Variants in PTK2 observed in about 807,000 individuals in gnomAD.
The protein encoded by PTK2 is focal adhesion kinase 1.
PTK2 carries 45 observed loss-of-function variants against 150.1 expected under a neutral mutation model. The ratio of observed to expected loss-of-function variants is 0.30; its 90% CI spans 0.24 to 0.38. PTK2 has a LOEUF of 0.38. Ranked by LOEUF, PTK2 falls within the 10% of genes least tolerant of loss-of-function variation. The probability of loss-of-function intolerance (pLI) is 1.00; values close to 1 mark genes in which losing one functional copy is unlikely to be tolerated. For missense variants in PTK2, 919 were observed against 1,307.3 expected (o/e 0.70, Z 4.58); for synonymous variants, 432 against 449.2 (o/e 0.96, Z 0.48).
chr8:140,894,172 C>G (rs2100155175), intron 2 of PTK2, among the ~76,000 whole-genome samples: 1 of 152,098 alleles, frequency 6.6e-6, no homozygotes, highest in Non-Finnish European at 1.5e-5. Flanking sequence ...GATTAGTGCC[C>G]TTGTGAAAGT....
intron 14 of PTK2, 116 bp downstream of exon 15, chr8:140,770,600 C>T: frequency 2.9e-6 from 1 of 340,848 alleles, no homozygotes; most frequent in Non-Finnish European, 4.5e-6. Flanking sequence ...AGCACATACA[C>T]TAATATTCAA....
At chr8:140,928,277 T>C (rs1163431722) in intron 1 of PTK2, among the ~76,000 whole-genome samples, 2 of 152,120 alleles carry the variant, frequency 1.3e-5, no homozygotes, top group Non-Finnish European at 2.9e-5. Context: ...CCCATTATAA[T>C]AGCTGCTACT....
intron 3 of PTK2, 53 bp from the exon 4 acceptor site, chr8:140,879,690 A>T: frequency 1.6e-6 from 2 of 1,270,710 alleles, no homozygotes; most frequent in Admixed American, 3.0e-5. Context: ...AAAAAAAAAA[A>T]AAAAAAAAAA....
intron 3 of PTK2, among the ~76,000 whole-genome samples, chr8:140,887,940 T>C (rs368130179): frequency 5.9e-5 from 9 of 152,216 alleles, no homozygotes; most frequent in East Asian, 1.9e-4. Context: ...GTAGCTATAA[T>C]GAGTTTAAGA....
At chr8:140,667,771 A>T (rs956468693) in intron 30 of PTK2, among the ~76,000 whole-genome samples, 1 of 152,238 alleles carries the variant, frequency 6.6e-6, no homozygotes, top group African/African-American at 2.4e-5. Flanking sequence ...TAAGAAAAAC[A>T]ACACAGATAA....
At chr8:140,687,770 G>A (rs2100020825) in intron 26 of PTK2, among the ~76,000 whole-genome samples, 1 of 152,220 alleles carries the variant, frequency 6.6e-6, no homozygotes, top group Admixed American at 6.5e-5. Flanking sequence ...GTGCCAGGGT[G>A]TAGTAGGAAG....
At chr8:140,717,767 G>T in intron 22 of PTK2, 58 bp from the exon 26 acceptor site, 1 of 1,366,954 alleles carries the variant, frequency 7.3e-7, no homozygotes, top group Non-Finnish European at 1.0e-6. Flanking sequence ...GCACACACTA[G>T]ACCCCACCCT....
chr8:140,878,874 G>T, intron 4 of PTK2, among the ~76,000 whole-genome samples: 1 of 150,852 alleles, frequency 6.6e-6, no homozygotes. Context: ...TAGTAGGGGA[G>T]ACCAGAAAAA....
At chr8:140,930,469 G>A (rs2100171296) in intron 1 of PTK2, among the ~76,000 whole-genome samples, 1 of 152,064 alleles carries the variant, frequency 6.6e-6, no homozygotes, top group South Asian at 2.1e-4. Flanking sequence ...ATAGACAACT[G>A]ATGCTTTTTT....
At chr8:140,935,415 A>G (rs1368544621) in intron 1 of PTK2, among the ~76,000 whole-genome samples, 2 of 152,178 alleles carry the variant, frequency 1.3e-5, no homozygotes, top group Non-Finnish European at 2.9e-5. Context: ...TAGAGAGCAT[A>G]AATAACACCT....
intron 17 of PTK2, chr8:140,750,183 T>C (rs2100061873): frequency 6.6e-6 from 1 of 152,246 alleles, no homozygotes; most frequent in Non-Finnish European, 1.5e-5. Flanking sequence ...ACTTAATTAA[T>C]GTAGTCACCA....
Position 140,811,102 on chromosome 8 carries a change from G to A in PTK2, c.867+7175C>T, listed in dbSNP as rs138943296. Among the ~76,000 whole-genome samples, 687 of 152,320 alleles carry A rather than the reference G, an allele frequency of 4.5e-3. 4 individuals are homozygous for A. Among genetic ancestry groups the A allele is most frequent in the African/African-American group, 0.016 (649 of 41,574 alleles). ...GCTGCTGGCACATGGAAACAAGGGCGGATCCTATGCCACCACACTGTGAAA... is the reference window on the plus strand; with the variant it reads ...GCTGCTGGCACATGGAAACAAGGGCAGATCCTATGCCACCACACTGTGAAA... On this transcript the variant is annotated intron_variant, in intron 10 of 31. Coordinates refer to ENST00000522684, the Ensembl canonical transcript of PTK2.
chr8:140,873,488 C>T (rs895815001), intron 4 of PTK2, among the ~76,000 whole-genome samples: 15 of 151,704 alleles, frequency 9.9e-5, no homozygotes, highest in African/African-American at 3.2e-4. Flanking sequence ...GTTTTTGAGA[C>T]GGAGTCTCGC....
At chr8:140,993,102 A>C (rs1179829394) in intron 1 of PTK2, among the ~76,000 whole-genome samples, 3 of 152,222 alleles carry the variant, frequency 2.0e-5, no homozygotes, top group Non-Finnish European at 2.9e-5. Context: ...TTTCTAGAAA[A>C]AAAGTTCCAA....
At chr8:140,879,937 A>G (rs2100148244) in intron 3 of PTK2, among the ~76,000 whole-genome samples, 1 of 152,178 alleles carries the variant, frequency 6.6e-6, no homozygotes, top group Admixed American at 6.5e-5. Flanking sequence ...ACTTAAAAAC[A>G]CATTTCTGCA....
At chr8:140,700,948 T>C (rs1286120552) in exon 26 of PTK2, 1 of 1,613,776 alleles carries the variant, frequency 6.2e-7, no homozygotes, top group South Asian at 1.1e-5. Context: ...CCTGTTGCTG[T>C]CGGATTAGAC....
At chr8:140,897,729 C>T (rs2100156851) in intron 2 of PTK2, among the ~76,000 whole-genome samples, 1 of 152,154 alleles carries the variant, frequency 6.6e-6, no homozygotes, top group South Asian at 2.1e-4. Context: ...TAACAGACTT[C>T]CCTGTGTTGT....
chr8:140,856,672 G>A (rs1296996367), intron 5 of PTK2, among the ~76,000 whole-genome samples: 3 of 152,160 alleles, frequency 2.0e-5, no homozygotes, highest in Non-Finnish European at 4.4e-5. Flanking sequence ...TTCCTGGGGT[G>A]ATGGTCATAT....
intron 8 of PTK2, chr8:140,821,671 C>A (rs984020212): frequency 1.3e-5 from 2 of 152,180 alleles, no homozygotes; most frequent in African/African-American, 2.4e-5. Flanking sequence ...CTAGATGGCA[C>A]CTGCAAATAA....
Sources: gnomAD v4.1 joint callset for allele counts (sites outside exome capture counted in the v4.1 genomes callset) on GRCh38, gnomAD v4.1.1 for gene constraint, MANE v1.5 for transcripts, NCBI Gene and HGNC (gene_info 2026-07-23, HGNC 2026-07-21) for gene names.